PTPRD: variants seen among roughly 807,000 people sequenced by gnomAD.
PTPRD encodes the protein receptor-type tyrosine-protein phosphatase delta.
A neutral mutation model predicts 214.5 loss-of-function variants in PTPRD; 34 were observed. That is an observed-to-expected ratio of 0.16 (90% CI 0.12 to 0.21). PTPRD has a LOEUF of 0.21. PTPRD is among the 10% of genes least tolerant of loss of function. PTPRD has a pLI of 1.00. For synonymous variants in PTPRD, 1,128 were observed against 845.7 expected (o/e 1.33, Z -5.79); for missense variants, 2,545 against 2,398.7 (o/e 1.06, Z -1.27).
chr9:10,391,234 T>C (rs558672911), intron 2 of PTPRD, among the ~76,000 whole-genome samples: 1 of 151,908 alleles, frequency 6.6e-6, no homozygotes, highest in South Asian at 2.1e-4. Context: ...CAAGCTGTAA[T>C]TGGTAAAGAA....
At chr9:9,552,873 A>G (rs2080653358) in intron 8 of PTPRD, among the ~76,000 whole-genome samples, 1 of 152,032 alleles carries the variant, frequency 6.6e-6, no homozygotes. Context: ...TTTCGTGTTG[A>G]CAGCTGCTAT....
chr9:9,843,608 T>C (rs550547457), intron 5 of PTPRD, among the ~76,000 whole-genome samples: 8 of 152,098 alleles, frequency 5.3e-5, no homozygotes, highest in Admixed American at 1.3e-4. Context: ...TTTGACAGGA[T>C]ATATCTCATG....
intron 3 of PTPRD, among the ~76,000 whole-genome samples, chr9:10,053,276 C>T (rs1589809679): frequency 6.6e-6 from 1 of 152,108 alleles, no homozygotes; most frequent in African/African-American, 2.4e-5. Flanking sequence ...TTAGCTGCAA[C>T]AATTAGAAAA....
At chr9:8,912,257 TGTCCATCA>T (rs2098753385) in intron 11 of PTPRD, among the ~76,000 whole-genome samples, 1 of 152,120 alleles carries the variant, frequency 6.6e-6, no homozygotes, top group African/African-American at 2.4e-5. Context: ...CCAAACCAAA[TGTCCATCA>T]GTTGGTGAAT....
At chr9:10,265,641 G>A (rs1226830276) in intron 3 of PTPRD, among the ~76,000 whole-genome samples, 1 of 152,148 alleles carries the variant, frequency 6.6e-6, no homozygotes, top group East Asian at 1.9e-4. Context: ...CAGACAACAA[G>A]TAAATAAATG....
chr9:9,242,431 G>T (rs2099970821), intron 9 of PTPRD, among the ~76,000 whole-genome samples: 1 of 152,150 alleles, frequency 6.6e-6, no homozygotes, highest in South Asian at 2.1e-4. Flanking sequence ...ATAATATCCT[G>T]CAGAGTGTTT....
intron 29 of PTPRD, among the ~76,000 whole-genome samples, chr9:8,484,678 T>C (rs376112673): frequency 5.3e-5 from 7 of 131,308 alleles, no homozygotes; most frequent in African/African-American, 2.2e-4. Flanking sequence ...GTGATCTTAA[T>C]GGAATATGTG....
chr9:8,745,118 G>C (rs1411955817), intron 11 of PTPRD, among the ~76,000 whole-genome samples: 1 of 152,034 alleles, frequency 6.6e-6, no homozygotes, highest in Non-Finnish European at 1.5e-5. Context: ...TGAAACCACA[G>C]ACTGATAAAA....
At chr9:10,480,481 C>T (rs1025147936) in intron 2 of PTPRD, among the ~76,000 whole-genome samples, 1 of 151,936 alleles carries the variant, frequency 6.6e-6, no homozygotes, top group Admixed American at 6.6e-5. Context: ...GGTGGCAATT[C>T]ATATGCCATA....
At chr9:9,169,538 A>G (rs1029080506) in intron 10 of PTPRD, among the ~76,000 whole-genome samples, 4 of 152,188 alleles carry the variant, frequency 2.6e-5, no homozygotes, top group Non-Finnish European at 5.9e-5. Flanking sequence ...CTGGCTATAA[A>G]GAAAGTCTCT....
At chr9:9,399,650 G>C (rs945788893) in intron 8 of PTPRD, among the ~76,000 whole-genome samples, 1 of 151,936 alleles carries the variant, frequency 6.6e-6, no homozygotes, top group Admixed American at 6.6e-5. Context: ...CATGGGGGGC[G>C]GGTCTTTCCC....
intron 7 of PTPRD, among the ~76,000 whole-genome samples, chr9:9,709,047 T>C (rs912335217): frequency 6.6e-6 from 1 of 151,992 alleles, no homozygotes; most frequent in Non-Finnish European, 1.5e-5. Flanking sequence ...CATGAGTGAA[T>C]GAATGTCAAT....
At chr9:8,656,439 T>G (rs892581789) in intron 12 of PTPRD, among the ~76,000 whole-genome samples, 31 of 152,222 alleles carry the variant, frequency 2.0e-4, no homozygotes, top group African/African-American at 6.8e-4. Context: ...TCTGAACTCA[T>G]GTATCACTGT....
At chr9:8,341,641 C>G (rs2132475484) in intron 40 of PTPRD, 52 bp downstream of exon 40, 3 of 1,588,758 alleles carry the variant, frequency 1.9e-6, no homozygotes, top group South Asian at 1.1e-5. Flanking sequence ...GACTCAAAGA[C>G]AAACCCAGAA....
At chr9:8,964,952 T>A (rs890046887) in intron 11 of PTPRD, among the ~76,000 whole-genome samples, 4 of 152,158 alleles carry the variant, frequency 2.6e-5, no homozygotes, top group Admixed American at 6.6e-5. Flanking sequence ...TTATTGAGAC[T>A]TGCTTTATGA....
chr9:8,664,519 A>G lies in PTPRD; in HGVS notation c.65-27675T>C, dbSNP rs533224656. 5.3e-5 allele frequency among the ~76,000 whole-genome samples: 8 copies of G among 152,326 alleles called. No homozygotes were observed. The South Asian group carries it at 8.3e-4, about 16-fold the overall frequency. On this transcript the variant is annotated intron_variant, in intron 12 of 45. Transcript: ENST00000381196. Reference sequence around the variant, plus strand: ...GAAGCATGGAAAAACAAGCCTTTATATAGTACTCCCTCCAATGTGATAGAT... The same window carrying G: ...GAAGCATGGAAAAACAAGCCTTTATGTAGTACTCCCTCCAATGTGATAGAT...
At chr9:10,519,297 T>C (rs2051332647) in intron 2 of PTPRD, among the ~76,000 whole-genome samples, 1 of 131,492 alleles carries the variant, frequency 7.6e-6, no homozygotes, top group Admixed American at 7.7e-5. Flanking sequence ...CCTCACAAAA[T>C]TTAATGACCT....
intron 2 of PTPRD, among the ~76,000 whole-genome samples, chr9:10,522,153 C>G (rs1295636125): frequency 6.6e-6 from 1 of 152,152 alleles, no homozygotes; most frequent in Non-Finnish European, 1.5e-5. Context: ...TCCTGACTTA[C>G]CTCCTCCCAG....
Position 9,332,109 on chromosome 9 carries a change from G to A in PTPRD, c.-203+65340C>T, listed in dbSNP as rs75060921. Among the ~76,000 whole-genome samples, 761 of 152,088 alleles carry A rather than the reference G, an allele frequency of 5.0e-3. 2 individuals carry two copies. Among genetic ancestry groups the A allele is most frequent in the African/African-American group, 0.017 (710 of 41,522 alleles). On this transcript the variant is annotated intron_variant, in intron 9 of 45. Coordinates refer to ENST00000381196, the MANE Select transcript of PTPRD (RefSeq NM_002839.4). ...GGATCACTAAAGACAATGACAGAGA[G>A]CAATACACAGAAAATGATTTCATGC...
Sources: allele counts gnomAD v4.1 joint callset (sites outside exome capture counted in the v4.1 genomes callset), GRCh38; gene constraint gnomAD v4.1.1; transcripts MANE v1.5; gene names NCBI Gene and HGNC (gene_info 2026-07-23, HGNC 2026-07-21).